The following PRKN variants were observed in gnomAD, a reference collection of about 807,000 sequenced individuals.
PRKN encodes the protein E3 ubiquitin-protein ligase parkin.
Under a neutral mutation model 59.5 loss-of-function variants are expected in PRKN, and 56 were observed. The ratio of observed to expected loss-of-function variants is 0.94; its 90% confidence interval spans 0.76 to 1.18. The LOEUF (loss-of-function observed/expected upper bound fraction) is 1.18, where lower values mean the gene tolerates loss of function less well. Ranked by LOEUF, PRKN falls within the 50% of genes most tolerant of loss-of-function variation. The probability of loss-of-function intolerance (pLI) is 0.00; values close to 1 mark genes in which losing one functional copy is unlikely to be tolerated. For missense variants in PRKN, 657 were observed against 596.4 expected (o/e 1.10, Z -1.06); for synonymous variants, 250 against 222.1 (o/e 1.13, Z -1.12).
intron 7 of PRKN, among the ~76,000 whole-genome samples, chr6:161,626,947 T>C (rs541838251): frequency 1.1e-4 from 17 of 152,164 alleles, no homozygotes; most frequent in Admixed American, 9.8e-4. Flanking sequence ...AACTCACTTA[T>C]CTAGATCAGT....
At position 162,238,642 on chromosome 6, in the gene PRKN, C is replaced by T. The variant is rs527779873; in HGVS notation, c.412+23883G>A. 1.3e-3 allele frequency among the ~76,000 whole-genome samples: 196 copies of T among 152,328 alleles called. 1 individual carries two copies. Among genetic ancestry groups the T allele is most frequent in the African/African-American group, 4.3e-3 (180 of 41,574 alleles). On this transcript the variant is annotated intron_variant, in intron 3 of 11. Coordinates refer to ENST00000366898, the MANE Select transcript of PRKN (RefSeq NM_004562.3). ...GAGGCCAGATGACTGGGCCAGGACCCACTACCTGGCTGACCCCAAAGTTCA... is the reference window on the plus strand; with the variant it reads ...GAGGCCAGATGACTGGGCCAGGACCTACTACCTGGCTGACCCCAAAGTTCA...
rs113295636 is a variant in PRKN, at chr6:161,932,067, C to T, written c.734+41235G>A. Among the ~76,000 whole-genome samples, 269 of 151,968 alleles carry T rather than the reference C, an allele frequency of 1.8e-3. 1 individual carries two copies. Among genetic ancestry groups the T allele is most frequent in the African/African-American group, 6.2e-3 (257 of 41,498 alleles). On this transcript the variant is annotated intron_variant, in intron 6 of 11. Coordinates refer to ENST00000366898, the MANE Select transcript of PRKN (RefSeq NM_004562.3). ...AAATGTTTTTTAATGCTAAAGTTCA[C>T]AGAAAATAAACTTCTAATCCTTTAA... is the stretch of plus-strand genomic sequence containing the variant.
chr6:161,886,843 G>A (rs756597921), intron 6 of PRKN, among the ~76,000 whole-genome samples: 20 of 151,560 alleles, frequency 1.3e-4, no homozygotes, highest in African/African-American at 2.4e-4. Flanking sequence ...TTTCTTAATC[G>A]TGAAAGAAGA....
At chr6:162,721,118 A>G (rs752646148) in intron 1 of PRKN, among the ~76,000 whole-genome samples, 14 of 152,230 alleles carry the variant, frequency 9.2e-5, no homozygotes, top group Non-Finnish European at 1.8e-4. Flanking sequence ...CTCCTACTGC[A>G]CAATTACCCT....
At chr6:162,492,956 CAAAAAAAAAAA>C (rs34716532) in intron 1 of PRKN, among the ~76,000 whole-genome samples, 1 of 110,348 alleles carries the variant, frequency 9.1e-6, no homozygotes, top group African/African-American at 3.4e-5. Context: ...TTGTCTCAAA[CAAAAAAAAAAA>C]AAAAAAAAAA....
rs1239971028 is a variant in PRKN at position 161,397,307 on chromosome 6, A to G, written c.1084-10430T>C. On this transcript the variant is annotated intron_variant, in intron 9 of 11. Transcript: ENST00000366898. The surrounding 1 kb of genome is among the most constrained non-coding windows in gnomAD (Gnocchi z 4.2). ...TTATAAAGCATAAAAGAGCTGAAGG[A>G]CAATTGTGTACTCCATGATACAATG... Among the ~76,000 whole-genome samples, 1 of 152,210 alleles carries G rather than the reference A, an allele frequency of 6.6e-6. No individual in the cohort carries two copies. The highest frequency in any genetic ancestry group is 2.4e-5 in the African/African-American group (1 of 41,436).
At chr6:162,327,524 G>A (rs1783349589) in intron 2 of PRKN, among the ~76,000 whole-genome samples, 1 of 135,908 alleles carries the variant, frequency 7.4e-6, no homozygotes, top group Non-Finnish European at 1.7e-5. Context: ...CCTTGACGAC[G>A]GTTTTCTCTA....
chr6:162,511,225 G>T (rs1472145627), intron 1 of PRKN, among the ~76,000 whole-genome samples: 1 of 151,378 alleles, frequency 6.6e-6, no homozygotes, highest in Non-Finnish European at 1.5e-5. Context: ...ATCAGGCCTG[G>T]AAGCTACCAC....
intron 5 of PRKN, among the ~76,000 whole-genome samples, chr6:162,021,011 G>A (rs1446299186): frequency 6.7e-6 from 1 of 149,408 alleles, no homozygotes; most frequent in Non-Finnish European, 1.5e-5. Flanking sequence ...GCTGAGGCAG[G>A]AGAATTGCTT....
chr6:162,243,269 C>T (rs1440771762), intron 3 of PRKN, among the ~76,000 whole-genome samples: 1 of 152,028 alleles, frequency 6.6e-6, no homozygotes, highest in Non-Finnish European at 1.5e-5. Context: ...TAAATTTTTG[C>T]ATTTAGAACT....
chr6:162,182,358 A>G (rs940010303), intron 4 of PRKN, among the ~76,000 whole-genome samples: 8 of 152,212 alleles, frequency 5.3e-5, no homozygotes, highest in Non-Finnish European at 8.8e-5. Context: ...GACTTATAAA[A>G]TATAATAGAA....
At chr6:161,492,607 G>T (rs970239664) in intron 9 of PRKN, among the ~76,000 whole-genome samples, 1 of 152,138 alleles carries the variant, frequency 6.6e-6, no homozygotes, top group African/African-American at 2.4e-5. Flanking sequence ...TATTATATTA[G>T]GTAGAAAGAA....
At chr6:162,107,368 G>C (rs547817794) in intron 4 of PRKN, among the ~76,000 whole-genome samples, 13 of 152,306 alleles carry the variant, frequency 8.5e-5, no homozygotes, top group Admixed American at 6.5e-4. Context: ...AGGAGGCTGA[G>C]GCAGGAGTAT....
intron 7 of PRKN, among the ~76,000 whole-genome samples, chr6:161,717,233 G>A (rs1787022820): frequency 6.6e-6 from 1 of 152,166 alleles, no homozygotes; most frequent in African/African-American, 2.4e-5. Context: ...GCCATCCAGT[G>A]CGGGCCTTCT....
intron 5 of PRKN, among the ~76,000 whole-genome samples, chr6:162,048,422 C>T (rs1355503127): frequency 6.6e-6 from 1 of 151,800 alleles, no homozygotes; most frequent in Non-Finnish European, 1.5e-5. Context: ...CAGAAAAGCA[C>T]CACTGAAACC....
In PRKN at chr6:162,694,229, A is replaced by G. The variant is rs562267647; in HGVS notation, c.7+33433T>C. Among the ~76,000 whole-genome samples, 10 of 109,480 alleles carry G rather than the reference A, an allele frequency of 9.1e-5. 1 individual carries two copies. In the South Asian group the frequency reaches 3.1e-3, roughly 34 times the overall value. 71.8% of individuals were successfully genotyped at this position (109,480 alleles called of 152,430 possible). A position where few individuals can be genotyped will look rare whatever the true frequency, so the allele number is the denominator to read the frequency against. The stretch of plus-strand genomic sequence containing the variant: ...GCCACTGCACTCCAGCCTGGGCAAC[A>G]GTGAGACAAAAAAAAAAAAAAAAAA... On this transcript the variant is annotated intron_variant, in intron 1 of 11. Transcript: ENST00000366898.
chr6:161,769,891 T>G (rs1685189909), intron 7 of PRKN, among the ~76,000 whole-genome samples: 1 of 152,124 alleles, frequency 6.6e-6, no homozygotes, highest in African/African-American at 2.4e-5. Context: ...AGCCACTGAT[T>G]ACATTGTTGG....
At chr6:162,262,071 TAA>T (rs1321198487) in intron 3 of PRKN, among the ~76,000 whole-genome samples, 2 of 152,186 alleles carry the variant, frequency 1.3e-5, no homozygotes, top group East Asian at 3.9e-4. Flanking sequence ...AATAAAAGAC[TAA>T]GAGGCACATA....
intron 7 of PRKN, among the ~76,000 whole-genome samples, chr6:161,574,427 T>C (rs1781055685): frequency 1.3e-5 from 2 of 152,138 alleles, no homozygotes. Context: ...CTCCCTCACA[T>C]ATGGGTTCTT....
Sources: allele counts gnomAD v4.1 joint callset (sites outside exome capture counted in the v4.1 genomes callset), GRCh38; gene constraint gnomAD v4.1.1; non-coding constraint Gnocchi (gnomAD v3.1); transcripts MANE v1.5; gene names NCBI Gene and HGNC (gene_info 2026-07-23, HGNC 2026-07-21).